CHRM3: variants seen among roughly 807,000 people sequenced by gnomAD.
CHRM3 encodes the protein cholinergic receptor muscarinic 3.
Under a neutral mutation model 41.8 loss-of-function variants are expected in CHRM3, and 11 were observed. The ratio of observed to expected loss-of-function variants is 0.26; its 90% CI spans 0.17 to 0.44. CHRM3 has a LOEUF of 0.44. Ranked by LOEUF, CHRM3 falls within the 20% of genes least tolerant of loss-of-function variation. The pLI, the probability that CHRM3 is intolerant of heterozygous loss-of-function variation, is 1.00. For synonymous variants in CHRM3, 297 were observed against 301.4 expected (o/e 0.99, Z 0.15); for missense variants, 571 against 745.4 (o/e 0.77, Z 2.72).
intron 3 of CHRM3, among the ~76,000 whole-genome samples, chr1:239,551,853 TA>T (rs1378210832): frequency 3.3e-5 from 5 of 152,120 alleles, no homozygotes; most frequent in Non-Finnish European, 7.4e-5. Flanking sequence ...ATTAAGCTAA[TA>T]AAGACAATTT....
intron 3 of CHRM3, among the ~76,000 whole-genome samples, chr1:239,560,830 G>T (rs1367220690): frequency 6.6e-6 from 1 of 151,966 alleles, no homozygotes; most frequent in African/African-American, 2.4e-5. Context: ...TGCCTAACAA[G>T]TGGCTCTAAA....
chr1:239,419,540 G>A (rs2103090807), intron 1 of CHRM3, among the ~76,000 whole-genome samples: 1 of 152,244 alleles, frequency 6.6e-6, no homozygotes, highest in Non-Finnish European at 1.5e-5. Context: ...AGTCACAAGG[G>A]AAGAACATAT....
chr1:239,404,406 AAGAAAAAGAAAGAAAGAAAGAAAG>A (rs1660334557), intron 1 of CHRM3, among the ~76,000 whole-genome samples: 63 of 53,904 alleles, frequency 1.2e-3, no homozygotes, highest in African/African-American at 3.5e-3. Context: ...GAAAGAAAGA[AAGAAAAAGAAAGAAAGAAAGAAAG>A]AAAGAAAGAA....
intron 5 of CHRM3, among the ~76,000 whole-genome samples, chr1:239,741,477 G>A (rs1200267198): frequency 1.3e-5 from 2 of 152,084 alleles, no homozygotes; most frequent in African/African-American, 4.8e-5. Flanking sequence ...CTGCTTCAGG[G>A]GAACAGGGCA....
intron 5 of CHRM3, among the ~76,000 whole-genome samples, chr1:239,729,957 AT>A (rs1165701498): frequency 1.3e-5 from 2 of 151,934 alleles, no homozygotes; most frequent in Non-Finnish European, 2.9e-5. Context: ...CTAACTGTGT[AT>A]CTGAATTTTC....
intron 1 of CHRM3, among the ~76,000 whole-genome samples, chr1:239,421,917 A>G (rs1661985404): frequency 6.6e-6 from 1 of 152,102 alleles, no homozygotes; most frequent in Admixed American, 6.6e-5. Context: ...GCAGGTTGTA[A>G]TTTATTTTAC....
intron 1 of CHRM3, among the ~76,000 whole-genome samples, chr1:239,397,712 TAAAATATATAAATATATATTCTATA>T (rs1659614850): frequency 6.8e-6 from 1 of 147,216 alleles, no homozygotes; most frequent in South Asian, 2.1e-4. Context: ...TATATTTCTA[TAAAATATATAAATATATATTCTATA>T]AAAATATATC....
chr1:239,632,328 G>T (rs1171284294), intron 4 of CHRM3, 42 bp downstream of exon 4: 1 of 152,094 alleles, frequency 6.6e-6, no homozygotes, highest in Non-Finnish European at 1.5e-5. Context: ...TTGAAAAGGG[G>T]GATTGATGGC....
At position 239,678,231 on chromosome 1, in the gene CHRM3, C is replaced by T. The variant is rs923889889; in HGVS notation, c.-204C>T. On this transcript the variant is annotated 5_prime_UTR_variant, in exon 5 of 7. Transcript: ENST00000676153. ...CTGGTCTCTTTCTAGAAGGAAAGTT[C>T]AACATACAGCACAATTCTGGACACA... 6 of 152,114 alleles carry T rather than the reference C, an allele frequency of 3.9e-5. No homozygotes were observed. The highest frequency in any genetic ancestry group is 1.4e-4 in the African/African-American group (6 of 41,422). 9.4% of individuals were successfully genotyped at this position (152,114 alleles called of 1,614,324 possible). A position where few individuals can be genotyped will look rare whatever the true frequency, so the allele number is the denominator to read the frequency against.
At chr1:239,695,581 A>G (rs1660108194) in intron 5 of CHRM3, among the ~76,000 whole-genome samples, 1 of 152,126 alleles carries the variant, frequency 6.6e-6, no homozygotes, top group Non-Finnish European at 1.5e-5. Flanking sequence ...CCTGGGAAAC[A>G]ATAAAAGCTC....
chr1:239,573,941 C>T (rs1662083450), intron 3 of CHRM3, among the ~76,000 whole-genome samples: 1 of 152,144 alleles, frequency 6.6e-6, no homozygotes, highest in Admixed American at 6.5e-5. Context: ...TTAGTAATTT[C>T]TCTATTTAGT....
intron 3 of CHRM3, among the ~76,000 whole-genome samples, chr1:239,586,638 T>C (rs1266226759): frequency 2.6e-5 from 4 of 152,202 alleles, no homozygotes; most frequent in African/African-American, 9.6e-5. Context: ...TTATTTTATA[T>C]TCTGGGATGT....
intron 1 of CHRM3, among the ~76,000 whole-genome samples, chr1:239,456,023 G>A (rs1282467617): frequency 6.6e-6 from 1 of 152,150 alleles, no homozygotes; most frequent in Non-Finnish European, 1.5e-5. Context: ...TATATAGTGG[G>A]GAGTTGGGGG....
chr1:239,434,278 C>A lies in CHRM3; in HGVS notation c.-521+47051C>A, dbSNP rs6696667. Among the ~76,000 whole-genome samples, 185 of 152,292 alleles carry A rather than the reference C, an allele frequency of 1.2e-3. 1 individual carries two copies. The highest frequency in any genetic ancestry group is 4.4e-3 in the African/African-American group (181 of 41,558). ...AGTCTCTCTCTAGTTCTGCAGGCAA[C>A]GTGTTGTGATCTCAGACTCCATGTC... On this transcript the variant is annotated intron_variant, in intron 1 of 6. Coordinates refer to ENST00000676153, the MANE Select transcript of CHRM3 (RefSeq NM_001375978.1).
At chr1:239,791,173 C>T (rs149774914) in intron 5 of CHRM3, among the ~76,000 whole-genome samples, 2,109 of 152,136 alleles carry the variant, frequency 0.014, 21 homozygotes, top group Middle Eastern at 0.044. Context: ...GATGCAGTCT[C>T]GGCTCACTGC....
chr1:239,503,489 G>T (rs1323781435), intron 2 of CHRM3, among the ~76,000 whole-genome samples: 1 of 152,008 alleles, frequency 6.6e-6, no homozygotes, highest in Non-Finnish European at 1.5e-5. Context: ...ACTGCCAAAA[G>T]CAGTCTACAA....
chr1:239,594,387 G>T (rs1191201441), intron 3 of CHRM3, among the ~76,000 whole-genome samples: 1 of 152,172 alleles, frequency 6.6e-6, no homozygotes, highest in Non-Finnish European at 1.5e-5. Flanking sequence ...CAAGCTGTTT[G>T]TGTTTATGAG....
At chr1:239,723,068 A>G (rs538517544) in intron 5 of CHRM3, among the ~76,000 whole-genome samples, 1 of 151,986 alleles carries the variant, frequency 6.6e-6, no homozygotes, top group African/African-American at 2.4e-5. Context: ...TCTGCTTTCT[A>G]TCTCTCATTT....
intron 6 of CHRM3, among the ~76,000 whole-genome samples, chr1:239,892,512 A>G (rs1010125107): frequency 6.6e-6 from 1 of 152,196 alleles, no homozygotes; most frequent in Non-Finnish European, 1.5e-5. Context: ...CTTCATTGCA[A>G]TCCTTGCATA....
Sources: allele counts gnomAD v4.1 joint callset (sites outside exome capture counted in the v4.1 genomes callset), GRCh38; gene constraint gnomAD v4.1.1; transcripts MANE v1.5; gene names NCBI Gene and HGNC (gene_info 2026-07-23, HGNC 2026-07-21).